Variants in ATP6V1C2 observed in about 807,000 individuals in gnomAD.
The protein encoded by ATP6V1C2 is V-type proton ATPase subunit C 2.
In ATP6V1C2, 45 loss-of-function variants were observed where a neutral mutation model predicts 56.8. The ratio of observed to expected loss-of-function variants is 0.79; its 90% CI spans 0.62 to 1.02. The LOEUF is 1.02. Ranked by LOEUF, ATP6V1C2 falls within the 50% of genes least tolerant of loss-of-function variation. The pLI is 0.00. For missense variants in ATP6V1C2, 463 were observed against 519.7 expected (o/e 0.89, Z 1.06); for synonymous variants, 220 against 201.3 (o/e 1.09, Z -0.79).
chr2:10,748,831 C>T (rs1663057948), intron 3 of ATP6V1C2, among the ~76,000 whole-genome samples: 1 of 151,944 alleles, frequency 6.6e-6, no homozygotes. Flanking sequence ...AACTTTTTCT[C>T]AAGAATGGAG....
At chr2:10,724,128 G>A (rs996801271) in intron 2 of ATP6V1C2, among the ~76,000 whole-genome samples, 3 of 152,086 alleles carry the variant, frequency 2.0e-5, no homozygotes, top group African/African-American at 4.8e-5. Context: ...AGGTTTCCAC[G>A]GGGAAGACAC....
At chr2:10,733,870 C>T (rs1488612729) in intron 3 of ATP6V1C2, among the ~76,000 whole-genome samples, 1 of 75,868 alleles carries the variant, frequency 1.3e-5, no homozygotes, top group East Asian at 8.7e-4. Context: ...GGAATAGCTG[C>T]TGGCTTCTTC....
chr2:10,764,496 C>T, intron 5 of ATP6V1C2, 71 bp downstream of exon 5: 1 of 1,325,378 alleles, frequency 7.5e-7, no homozygotes, highest in South Asian at 1.2e-5. Context: ...GGTAGGGCCC[C>T]CCTGCCAACA....
chr2:10,723,944 T>C (rs1661501748), intron 2 of ATP6V1C2, among the ~76,000 whole-genome samples: 1 of 151,606 alleles, frequency 6.6e-6, no homozygotes, highest in African/African-American at 2.4e-5. Context: ...GTATTATTAG[T>C]AGAGATGGGG....
intron 3 of ATP6V1C2, among the ~76,000 whole-genome samples, chr2:10,729,294 G>A (rs1470808116): frequency 6.6e-6 from 1 of 151,692 alleles, no homozygotes; most frequent in Non-Finnish European, 1.5e-5. Flanking sequence ...CTCCCGAGTA[G>A]CTGGGATTAC....
At chr2:10,779,431 A>G (rs1665209594) in intron 12 of ATP6V1C2, among the ~76,000 whole-genome samples, 2 of 112,904 alleles carry the variant, frequency 1.8e-5, no homozygotes, top group Admixed American at 1.9e-4. Context: ...AAAAAAAAAT[A>G]TATATATATA....
At chr2:10,744,847 T>G (rs1662796906) in intron 3 of ATP6V1C2, among the ~76,000 whole-genome samples, 1 of 150,636 alleles carries the variant, frequency 6.6e-6, no homozygotes, top group Admixed American at 6.6e-5. Flanking sequence ...TTTTTTGTAT[T>G]TTTTGTAGAG....
rs1317184550 is a variant in ATP6V1C2 at position 10,763,875 on chromosome 2, T to C, written c.284-456T>C. On this transcript the variant is annotated intron_variant, in intron 4 of 13. Transcript: ENST00000272238. This position sits in a 1 kb window ranked among gnomAD's most constrained non-coding sequence, Gnocchi z 4.2. ...TTCTGACTTCAATTCTGGGGCTCTCTCCACCCCACACCTGGTTAGAATGAG... is the reference window on the plus strand; with the variant it reads ...TTCTGACTTCAATTCTGGGGCTCTCCCCACCCCACACCTGGTTAGAATGAG... Among the ~76,000 whole-genome samples, 1 of 152,140 alleles carries C rather than the reference T, an allele frequency of 6.6e-6. No individual in the cohort carries two copies. The highest frequency in any genetic ancestry group is 2.4e-5 in the African/African-American group (1 of 41,410).
chr2:10,721,140 C>G (rs569037493), upstream of ATP6V1C2, among the ~76,000 whole-genome samples: 1 of 152,138 alleles, frequency 6.6e-6, no homozygotes, highest in Non-Finnish European at 1.5e-5. Context: ...CAGGTGCGTC[C>G]CGAGCACCTG....
In ATP6V1C2 at chr2:10,726,527, G is replaced by A; in HGVS notation, c.155G>A (p.Gly52Asp). ...GTGGGGACCTTGGATTCCCTGGTTG[G>A]CCTCTCTGATGAGTTGGGGAAACTC... ...FKVGTLDSLVGLSDELGKLDT... is the reference protein window; with the variant it reads ...FKVGTLDSLVDLSDELGKLDT... Residue 52 changes from glycine to aspartate, a missense_variant, in exon 3 of 14, where the codon GGC becomes GAC. Transcript: ENST00000272238. 2 of 1,613,962 alleles carry A rather than the reference G, an allele frequency of 1.2e-6. No homozygotes were observed. The highest frequency in any genetic ancestry group is 1.7e-6 in the Non-Finnish European group (2 of 1,179,892).
intron 11 of ATP6V1C2, among the ~76,000 whole-genome samples, 159 bp downstream of exon 11, chr2:10,777,881 C>T (rs971681543): frequency 7.9e-5 from 12 of 151,820 alleles, no homozygotes; most frequent in African/African-American, 2.7e-4. Flanking sequence ...TCCTAATCTG[C>T]AGGGCCTCTT....
chr2:10,735,604 C>CT (rs1491067751), intron 3 of ATP6V1C2, among the ~76,000 whole-genome samples: 4 of 132,664 alleles, frequency 3.0e-5, no homozygotes, highest in Non-Finnish European at 6.5e-5. Flanking sequence ...TTTTTTCTCT[C>CT]TTTTTTTGAG....
intron 3 of ATP6V1C2, among the ~76,000 whole-genome samples, chr2:10,744,987 T>TTTA (rs1176256130): frequency 6.6e-6 from 1 of 151,178 alleles, no homozygotes; most frequent in Non-Finnish European, 1.5e-5. Context: ...AGAATATGGG[T>TTTA]TTATTACTTT....
chr2:10,779,838 G>GT (rs1234800663), intron 12 of ATP6V1C2, among the ~76,000 whole-genome samples: 6 of 152,028 alleles, frequency 3.9e-5, no homozygotes, highest in Non-Finnish European at 7.4e-5. Context: ...AGGTTTTGTT[G>GT]TTTTTTTATG....
intron 10 of ATP6V1C2, among the ~76,000 whole-genome samples, chr2:10,775,518 C>A (rs1417149162): frequency 1.3e-5 from 2 of 152,144 alleles, no homozygotes; most frequent in Non-Finnish European, 2.9e-5. Flanking sequence ...AGATTGCAGC[C>A]GTGAGGTTTC....
Position 10,772,535 on chromosome 2 carries a change from C to A in ATP6V1C2, c.570-7C>A, listed in dbSNP as rs1210021387. 1.2e-6 allele frequency: 2 copies of A among 1,612,956 alleles called. No homozygotes were observed. Among genetic ancestry groups the A allele is most frequent in the Admixed American group, 1.7e-5 (1 of 60,024 alleles). Reference sequence around the variant, plus strand: ...AAAAATCACGTAACGATTCTATGTTCTTGCAGACCAAACTACTCACAATGG... The same window carrying A: ...AAAAATCACGTAACGATTCTATGTTATTGCAGACCAAACTACTCACAATGG... On this transcript the variant is annotated splice_polypyrimidine_tract_variant and splice_region_variant and intron_variant, in intron 7 of 13. Transcript: ENST00000272238.
chr2:10,768,671 C>A (rs753450072), intron 5 of ATP6V1C2, 48 bp from the exon 6 acceptor site: 1 of 1,527,498 alleles, frequency 6.5e-7, no homozygotes, highest in East Asian at 2.3e-5. Context: ...GTTCAGCCAA[C>A]TCCTTCAATG....
At chr2:10,739,176 G>A (rs903294644) in intron 3 of ATP6V1C2, among the ~76,000 whole-genome samples, 3 of 152,066 alleles carry the variant, frequency 2.0e-5, no homozygotes, top group East Asian at 1.9e-4. Context: ...CCAGCTACTC[G>A]GGAGGCTGAG....
rs191883416 is a variant in ATP6V1C2, at chr2:10,737,962, A to G, written c.197+11393A>G. ...TGCCTTGGCCTCCCAAAATGCCGAAATTACAGGTGTGAGCCCCGGCGCCTG... is the reference window on the plus strand; with the variant it reads ...TGCCTTGGCCTCCCAAAATGCCGAAGTTACAGGTGTGAGCCCCGGCGCCTG... On this transcript the variant is annotated intron_variant, in intron 3 of 13. Coordinates refer to ENST00000272238, the MANE Select transcript of ATP6V1C2 (RefSeq NM_001039362.2). Among the ~76,000 whole-genome samples the G allele has an allele frequency of 5.5e-3, 838 of 152,256 alleles. 2 individuals carry two copies. Among genetic ancestry groups the G allele is most frequent in the South Asian group, 0.019 (90 of 4,828 alleles).
Sources: allele counts gnomAD v4.1 joint callset (sites outside exome capture counted in the v4.1 genomes callset), GRCh38; gene constraint gnomAD v4.1.1; non-coding constraint Gnocchi (gnomAD v3.1); transcripts MANE v1.5; gene names NCBI Gene and HGNC (gene_info 2026-07-23, HGNC 2026-07-21).